The following ANKRD62 variants were observed in gnomAD, a reference collection of about 807,000 sequenced individuals.
ANKRD62 encodes ankyrin repeat domain 62.
A neutral mutation model predicts 98.8 loss-of-function variants in ANKRD62; 61 were observed. The ratio of observed to expected loss-of-function variants is 0.62; its 90% confidence interval spans 0.50 to 0.76. The LOEUF (loss-of-function observed/expected upper bound fraction) is 0.76, where lower values mean the gene tolerates loss of function less well. Among genes scored for constraint, ANKRD62 ranks in the 30% least tolerant of loss-of-function variants. The pLI, the probability that ANKRD62 is intolerant of heterozygous loss-of-function variation, is 0.00. For synonymous variants in ANKRD62, 341 were observed against 367.9 expected (o/e 0.93, Z 0.84); for missense variants, 933 against 1,082.9 (o/e 0.86, Z 1.94).
At chr18:12,138,461 T>C in the ANKRD62 span, among the ~76,000 whole-genome samples, 1 of 152,238 alleles carries the variant, frequency 6.6e-6, no homozygotes, top group African/African-American at 2.4e-5. Flanking sequence ...GTGTTTTACT[T>C]CCAACGATGT....
At chr18:12,112,111 C>CAAAAA (rs34392499) in intron 8 of ANKRD62, among the ~76,000 whole-genome samples, 2 of 29,480 alleles carry the variant, frequency 6.8e-5, no homozygotes. Flanking sequence ...GACTCCAACT[C>CAAAAA]AAAAAAAAAA....
intron 9 of ANKRD62, 66 bp from the exon 10 acceptor site, chr18:12,115,327 G>T: frequency 7.2e-7 from 1 of 1,397,760 alleles, no homozygotes; most frequent in Non-Finnish European, 9.5e-7. Context: ...ATTCCCACTG[G>T]TGTATATTTA....
At chr18:12,170,957 GC>G in the ANKRD62 span, among the ~76,000 whole-genome samples, 1 of 44,166 alleles carries the variant, frequency 2.3e-5, no homozygotes, top group Non-Finnish European at 4.1e-5. Context: ...TGCAACCCCT[GC>G]TTTTTTTTTT....
chr18:12,144,824 G>A, the ANKRD62 span, among the ~76,000 whole-genome samples: 1 of 70,744 alleles, frequency 1.4e-5, no homozygotes, highest in East Asian at 3.3e-4. Context: ...ACATTAAGGA[G>A]GAACAAGATC....
At chr18:12,096,674 C>T (rs1598729106) in intron 4 of ANKRD62, among the ~76,000 whole-genome samples, 1 of 152,306 alleles carries the variant, frequency 6.6e-6, no homozygotes, top group African/African-American at 2.4e-5. Context: ...ATAGTAGTTT[C>T]AACCTCTGCT....
At chr18:12,138,897 A>G in the ANKRD62 span, among the ~76,000 whole-genome samples, 1 of 152,054 alleles carries the variant, frequency 6.6e-6, no homozygotes, top group East Asian at 1.9e-4. Context: ...ATTTGCTTTG[A>G]AGATCTTCCT....
the ANKRD62 span, among the ~76,000 whole-genome samples, chr18:12,165,720 G>A: frequency 6.6e-6 from 1 of 151,992 alleles, no homozygotes; most frequent in East Asian, 1.9e-4. Context: ...TGGGGGTTTT[G>A]TGTGTTTACT....
chr18:12,164,878 G>A, the ANKRD62 span, among the ~76,000 whole-genome samples: 1 of 151,900 alleles, frequency 6.6e-6, no homozygotes, highest in East Asian at 1.9e-4. Context: ...CTGAAAGTGG[G>A]ATGTTGAAGT....
chr18:12,136,717 C>T, the ANKRD62 span, among the ~76,000 whole-genome samples: 2 of 152,266 alleles, frequency 1.3e-5, no homozygotes, highest in African/African-American at 2.4e-5. Context: ...TCTTTTATTT[C>T]GTTGAGCAGT....
chr18:12,171,437 C>A, the ANKRD62 span, among the ~76,000 whole-genome samples: 1 of 152,176 alleles, frequency 6.6e-6, no homozygotes, highest in African/African-American at 2.4e-5. Context: ...GTTGAAAATT[C>A]TTTTCTTCAA....
intron 12 of ANKRD62, among the ~76,000 whole-genome samples, chr18:12,124,545 C>T (rs1454524844): frequency 6.6e-6 from 1 of 151,986 alleles, no homozygotes; most frequent in Non-Finnish European, 1.5e-5. Context: ...AATATATATA[C>T]TTAGTGATAT....
At chr18:12,170,279 T>G in the ANKRD62 span, among the ~76,000 whole-genome samples, 2 of 152,332 alleles carry the variant, frequency 1.3e-5, no homozygotes, top group Admixed American at 6.5e-5. Context: ...TGCCATAAAT[T>G]TCCCTCTACA....
rs1568063035 is a variant in ANKRD62, at chr18:12,115,461, G to A, written c.1167G>A (p.Glu389=). 2 of 1,537,242 alleles carry A rather than the reference G, an allele frequency of 1.3e-6. No individual in the cohort carries two copies. Among genetic ancestry groups the A allele is most frequent in the East Asian group, 2.4e-5 (1 of 40,860 alleles). The stretch of plus-strand genomic sequence containing the variant: ...GTGGGTCATCTGAAAAAACCTCAGA[G>A]GATGATGAGTTGCCTTACTCTGATG... ...DISGSSEKTS[E]DDELPYSDDE... Residue 389 remains glutamate, a synonymous_variant, in exon 10 of 14, where the codon GAG becomes GAA. Transcript: ENST00000587848.
chr18:12,107,953 G>A (rs768041075), intron 8 of ANKRD62, among the ~76,000 whole-genome samples: 9 of 152,052 alleles, frequency 5.9e-5, no homozygotes, highest in Non-Finnish European at 1.2e-4. Context: ...ATATGCATGT[G>A]TAGTTATTTC....
At chr18:12,161,479 T>TAGTC in the ANKRD62 span, among the ~76,000 whole-genome samples, 92,768 of 151,432 alleles carry the variant, frequency 0.61, 28,828 homozygotes, top group Middle Eastern at 0.76. Flanking sequence ...CAATGCATAA[T>TAGTC]AGCATGGAGA....
At chr18:12,120,751 T>C (rs1254465275) in intron 10 of ANKRD62, among the ~76,000 whole-genome samples, 1 of 152,186 alleles carries the variant, frequency 6.6e-6, no homozygotes, top group East Asian at 1.9e-4. Flanking sequence ...TTCTATGATT[T>C]GATTTCATAT....
downstream of ANKRD62, among the ~76,000 whole-genome samples, chr18:12,131,263 A>G (rs1276814114): frequency 6.6e-6 from 1 of 152,232 alleles, no homozygotes; most frequent in African/African-American, 2.4e-5. Flanking sequence ...GCAGGTGTAC[A>G]AGGAAACATA....
chr18:12,103,177 A>G lies in ANKRD62; in HGVS notation c.840A>G (p.Thr280=). ...NSNSEQDLEM[T]SEGEQERLEG... ...GAGCAGAACAAGACTTAGAAATGAC[A>G]TCAGAGGGAGAGCAAGAAAGGCTTG... is the stretch of plus-strand genomic sequence containing the variant. Residue 280 remains threonine (T), a synonymous_variant, in exon 7 of 14, where the codon ACA becomes ACG. Transcript: ENST00000587848. 7.2e-7 allele frequency: 1 copy of G among 1,381,238 alleles called. No homozygotes were observed. Among genetic ancestry groups the G allele is most frequent in the Non-Finnish European group, 9.4e-7 (1 of 1,058,392 alleles). The allele number at this position is 1,381,238 out of a possible 1,614,324, so 85.6% of individuals were successfully genotyped here. A position where few individuals can be genotyped will look rare whatever the true frequency, so the allele number is the denominator to read the frequency against.
At chr18:12,123,555 A>G (rs12604356) in intron 11 of ANKRD62, among the ~76,000 whole-genome samples, 1 of 152,222 alleles carries the variant, frequency 6.6e-6, no homozygotes, top group Non-Finnish European at 1.5e-5. Context: ...ATACATACTA[A>G]TCAACAGAAT....
Sources: gnomAD v4.1 joint callset for allele counts (sites outside exome capture counted in the v4.1 genomes callset) on GRCh38, gnomAD v4.1.1 for gene constraint, MANE v1.5 for transcripts, NCBI Gene and HGNC (gene_info 2026-07-23, HGNC 2026-07-21) for gene names.